PTBP2: variants seen among roughly 807,000 people sequenced by gnomAD.
PTBP2 encodes polypyrimidine tract-binding protein 2.
PTBP2 carries 13 observed loss-of-function variants against 61.4 expected under a neutral mutation model. The observed-to-expected ratio is 0.21, with a 90% CI of 0.14 to 0.34. The LOEUF (loss-of-function observed/expected upper bound fraction) is 0.34. PTBP2 is among the 10% of genes least tolerant of loss of function. The probability of loss-of-function intolerance (pLI) is 1.00; values close to 1 mark genes in which losing one functional copy is unlikely to be tolerated. For synonymous variants in PTBP2, 215 were observed against 218.5 expected (o/e 0.98, Z 0.14); for missense variants, 405 against 642.6 (o/e 0.63, Z 4.00).
intron 8 of PTBP2, among the ~76,000 whole-genome samples, chr1:96,790,104 A>G (rs1006601654): frequency 2.6e-5 from 4 of 152,036 alleles, no homozygotes; most frequent in African/African-American, 4.8e-5. Context: ...TCTACTCCCA[A>G]TCTCTCATTC....
At chr1:96,730,330 G>A (rs1651227752) in intron 2 of PTBP2, among the ~76,000 whole-genome samples, 1 of 151,906 alleles carries the variant, frequency 6.6e-6, no homozygotes, top group African/African-American at 2.4e-5. Flanking sequence ...ACTTATATAG[G>A]GATTTATTGC....
intron 8 of PTBP2, among the ~76,000 whole-genome samples, chr1:96,787,367 G>A (rs368973507): frequency 6.6e-6 from 1 of 152,232 alleles, no homozygotes; most frequent in Admixed American, 6.5e-5. Context: ...CATTAAAGGC[G>A]TGTAAATTAA....
intron 8 of PTBP2, 63 bp from the exon 9 acceptor site, chr1:96,804,737 T>C (rs757508368): frequency 1.3e-6 from 2 of 1,498,072 alleles, no homozygotes; most frequent in Admixed American, 2.0e-5. Context: ...TTGGTTTTTG[T>C]AAACGACTTG....
At chr1:96,793,965 C>T (rs1660113245) in intron 8 of PTBP2, among the ~76,000 whole-genome samples, 2 of 152,106 alleles carry the variant, frequency 1.3e-5, no homozygotes, top group Non-Finnish European at 2.9e-5. Context: ...TACTATAGGA[C>T]TATAAAATGT....
At chr1:96,732,396 C>T (rs999203802) in intron 2 of PTBP2, among the ~76,000 whole-genome samples, 4 of 152,056 alleles carry the variant, frequency 2.6e-5, no homozygotes, top group African/African-American at 7.2e-5. Flanking sequence ...TTGATGTCTG[C>T]GAAATGACAG....
At chr1:96,773,620 AC>A (rs1236948498) in intron 5 of PTBP2, among the ~76,000 whole-genome samples, 3 of 151,998 alleles carry the variant, frequency 2.0e-5, no homozygotes, top group Non-Finnish European at 4.4e-5. Context: ...CTAAGCTGTT[AC>A]CCCCATTCCC....
At chr1:96,796,735 G>GTGTT (rs1428310096) in intron 8 of PTBP2, among the ~76,000 whole-genome samples, 2 of 152,250 alleles carry the variant, frequency 1.3e-5, no homozygotes, top group East Asian at 3.9e-4. Flanking sequence ...AATGAGCAGA[G>GTGTT]TGTTGGCTCA....
At chr1:96,821,992 G>C (rs1662698370) in exon 14 of PTBP2, 1 of 152,088 alleles carries the variant, frequency 6.6e-6, no homozygotes, top group African/African-American at 2.4e-5. Context: ...TTCATTACCT[G>C]CTATGTGCCA....
chr1:96,763,352 GA>G (rs1340753980), intron 3 of PTBP2, among the ~76,000 whole-genome samples: 1 of 152,112 alleles, frequency 6.6e-6, no homozygotes, highest in Non-Finnish European at 1.5e-5. Context: ...GAGGCTGGCG[GA>G]TCACTCGCGG....
intron 2 of PTBP2, among the ~76,000 whole-genome samples, chr1:96,739,077 C>T (rs1426868504): frequency 6.6e-6 from 1 of 152,006 alleles, no homozygotes; most frequent in Non-Finnish European, 1.5e-5. Flanking sequence ...ATATGTGTCC[C>T]CAAAAGCTGG....
chr1:96,788,556 T>C (rs1285169225), intron 8 of PTBP2, among the ~76,000 whole-genome samples: 1 of 152,050 alleles, frequency 6.6e-6, no homozygotes, highest in Non-Finnish European at 1.5e-5. Flanking sequence ...AGCAAACTAA[T>C]ATTGGTGGGA....
intron 9 of PTBP2, 42 bp downstream of exon 9, chr1:96,804,981 T>C: frequency 7.0e-7 from 1 of 1,434,458 alleles, no homozygotes; most frequent in Non-Finnish European, 9.3e-7. Flanking sequence ...TAACTCCATT[T>C]CATTTGTGAA....
At chr1:96,757,792 A>G (rs1233145432) in intron 3 of PTBP2, among the ~76,000 whole-genome samples, 4 of 152,146 alleles carry the variant, frequency 2.6e-5, no homozygotes, top group Admixed American at 2.0e-4. Context: ...AGTACTAAAT[A>G]TTAGAAATTA....
chr1:96,740,752 T>C (rs1367580599), intron 2 of PTBP2, among the ~76,000 whole-genome samples: 2 of 152,096 alleles, frequency 1.3e-5, no homozygotes, highest in African/African-American at 2.4e-5. Flanking sequence ...TTCTGTAATT[T>C]GCTTTTCTTG....
At chr1:96,794,186 C>T (rs929213368) in intron 8 of PTBP2, among the ~76,000 whole-genome samples, 6 of 152,170 alleles carry the variant, frequency 3.9e-5, no homozygotes, top group African/African-American at 1.4e-4. Flanking sequence ...TTGAAGACCT[C>T]TCTTGTATTC....
chr1:96,804,870 C>T lies in PTBP2; in HGVS notation c.975C>T (p.Gly325=). ...CAGCAGCTGCTGCAGCTGCTGCTGG[C>T]CGAGTGGGTATGCCTGGAGTCTCAG... The part of the protein sequence containing the change: ...AAAAAAAAAA[G]RVGMPGVSAG... Residue 325 remains glycine, a synonymous_variant, in exon 9 of 14, where the codon GGC becomes GGT. Transcript: ENST00000674951. 6.2e-7 allele frequency: 1 copy of T among 1,611,854 alleles called. No individual in the cohort carries two copies. The highest frequency in any genetic ancestry group is 1.1e-5 in the South Asian group (1 of 90,840).
intron 2 of PTBP2, among the ~76,000 whole-genome samples, chr1:96,732,618 C>T (rs1472488876): frequency 6.6e-6 from 1 of 152,116 alleles, no homozygotes; most frequent in Non-Finnish European, 1.5e-5. Flanking sequence ...TCTTTTAGGA[C>T]TTTAGTTAGA....
chr1:96,799,119 A>G (rs1055572363), intron 8 of PTBP2, among the ~76,000 whole-genome samples: 9 of 152,122 alleles, frequency 5.9e-5, no homozygotes, highest in Non-Finnish European at 2.9e-5. Flanking sequence ...GTCAGAACTA[A>G]CATGAGAATT....
downstream of PTBP2, chr1:96,819,155 T>TA (rs1662590712): frequency 6.6e-6 from 1 of 152,016 alleles, no homozygotes; most frequent in African/African-American, 2.4e-5. Context: ...AATGAAATGA[T>TA]ACTCAGGTCA....
Sources: allele counts gnomAD v4.1 joint callset (sites outside exome capture counted in the v4.1 genomes callset), GRCh38; gene constraint gnomAD v4.1.1; transcripts MANE v1.5; gene names NCBI Gene and HGNC (gene_info 2026-07-23, HGNC 2026-07-21).